SLC38A10: variants seen among roughly 807,000 people sequenced by gnomAD.
The protein encoded by SLC38A10 is Sodium-coupled neutral amino acid transporter 10.
SLC38A10 carries 53 observed loss-of-function variants against 81.0 expected under a neutral mutation model. The observed-to-expected ratio is 0.65, with a 90% CI of 0.53 to 0.82. The LOEUF (loss-of-function observed/expected upper bound fraction) is 0.82. Ranked by LOEUF, SLC38A10 falls within the 40% of genes least tolerant of loss-of-function variation. The pLI, the probability that SLC38A10 is intolerant of heterozygous loss-of-function variation, is 0.00. For synonymous variants in SLC38A10, 665 were observed against 655.3 expected (o/e 1.01, Z -0.23); for missense variants, 1,471 against 1,545.0 (o/e 0.95, Z 0.80).
chr17:81,289,522 C>T lies in SLC38A10; in HGVS notation c.217+169G>A, dbSNP rs190710566. 6.7e-4 allele frequency among the ~76,000 whole-genome samples: 102 copies of T among 151,980 alleles called. 1 individual carries two copies. Among genetic ancestry groups the T allele is most frequent in the Non-Finnish European group, 1.1e-3 (76 of 67,988 alleles). On this transcript the variant is annotated intron_variant, in intron 2 of 15. Coordinates refer to ENST00000374759, the MANE Select transcript of SLC38A10 (RefSeq NM_001037984.3). The surrounding 1 kb of genome is among the most constrained non-coding windows in gnomAD (Gnocchi z 5.9). ...CAAATAGTAGCTGGGACGACAGGCA[C>T]GTGCAACCACACCCGGCTCATTTTT...
In SLC38A10 at chr17:81,276,539, G is replaced by A. The variant is rs1443650972; in HGVS notation, c.730-388C>T. Among the ~76,000 whole-genome samples the A allele has an allele frequency of 3.3e-5, 5 of 151,928 alleles. No individual in the cohort carries two copies. The highest frequency in any genetic ancestry group is 4.8e-5 in the African/African-American group (2 of 41,344). ...CCCGAGTAGCCGGGTTTACATGCAC[G>A]TGCCACCATGCCCAGCTAATTTTTG... On this transcript the variant is annotated intron_variant, in intron 7 of 15. Coordinates refer to ENST00000374759, the MANE Select transcript of SLC38A10 (RefSeq NM_001037984.3). This position sits in a 1 kb window ranked among gnomAD's most constrained non-coding sequence, Gnocchi z 4.7.
chr17:81,245,232 C>T lies in SLC38A10; in HGVS notation c.*324G>A. 3.4e-6 allele frequency: 1 copy of T among 296,476 alleles called. No individual in the cohort carries two copies. Among genetic ancestry groups the T allele is most frequent in the Non-Finnish European group, 6.3e-6 (1 of 158,604 alleles). The allele number at this position is 296,476 out of a possible 1,614,324, so 18.4% of individuals were successfully genotyped here. ...GGAGCAGGAGGCCTGACCACAGACG[C>T]AGCAGCTCCCCAGCCTGAGCCTGGG... On this transcript the variant is annotated 3_prime_UTR_variant, in exon 16 of 16. Transcript: ENST00000374759.
chr17:81,273,998 G>C (rs7216728), intron 8 of SLC38A10, among the ~76,000 whole-genome samples: 1 of 152,232 alleles, frequency 6.6e-6, no homozygotes, highest in Admixed American at 6.5e-5. Context: ...TTGGGATGAA[G>C]GGGGTTGCGT....
chr17:81,280,856 GC>G, intron 5 of SLC38A10, 123 bp from the exon 6 acceptor site: 1 of 1,360,154 alleles, frequency 7.4e-7, no homozygotes, highest in Non-Finnish European at 9.7e-7. Flanking sequence ...CCACATCCCA[GC>G]CCCCCACCAC....
At chr17:81,272,855 GCA>G (rs1360002243) in intron 8 of SLC38A10, among the ~76,000 whole-genome samples, 2 of 152,146 alleles carry the variant, frequency 1.3e-5, no homozygotes, top group Non-Finnish European at 2.9e-5. Context: ...CTCACCCCAG[GCA>G]CAGACCGTAC....
At chr17:81,252,753 G>C (rs1449826996) in intron 12 of SLC38A10, 70 bp from the exon 13 acceptor site, 6 of 1,514,538 alleles carry the variant, frequency 4.0e-6, no homozygotes, top group Non-Finnish European at 5.3e-6. Context: ...AATTAGAACT[G>C]GGTTCTTCCC....
chr17:81,293,028 T>C (rs1463418968), intron 1 of SLC38A10, among the ~76,000 whole-genome samples: 1 of 152,208 alleles, frequency 6.6e-6, no homozygotes, highest in Non-Finnish European at 1.5e-5. Context: ...GCCGGCGTGG[T>C]GGCACATGCC....
intron 1 of SLC38A10, among the ~76,000 whole-genome samples, chr17:81,293,767 A>G (rs561181749): frequency 6.6e-6 from 1 of 152,216 alleles, no homozygotes; most frequent in Non-Finnish European, 1.5e-5. Context: ...CTAAAATTAA[A>G]CTACTGGTGC....
rs531315207 is a variant in SLC38A10, at chr17:81,276,449, G to A, written c.730-298C>T. ...AGACCAGGCTGGAGTGCAGTGGTGC[G>A]ATCTTGGCCTCGGCGTACCTCTGCC... On this transcript the variant is annotated intron_variant, in intron 7 of 15. Coordinates refer to ENST00000374759, the MANE Select transcript of SLC38A10 (RefSeq NM_001037984.3). The surrounding 1 kb of genome is among the most constrained non-coding windows in gnomAD (Gnocchi z 4.7). 6.7e-5 allele frequency among the ~76,000 whole-genome samples: 10 copies of A among 150,166 alleles called. No homozygotes were observed. The highest frequency in any genetic ancestry group is 2.5e-4 in the African/African-American group (10 of 40,716).
chr17:81,267,768 A>G (rs2063081983), intron 10 of SLC38A10, among the ~76,000 whole-genome samples: 1 of 152,158 alleles, frequency 6.6e-6, no homozygotes, highest in Admixed American at 6.6e-5. Context: ...GACACTGGTA[A>G]ACAGCTCTGT....
At position 81,245,519 on chromosome 17, in the gene SLC38A10, G is replaced by A. The variant is rs777281035; in HGVS notation, c.*37C>T. ...AGACAGACCTGCTGCTGGCCGAGGA[G>A]GGCAGTGGCTGGCGTGGCCCTCATG... is the stretch of plus-strand genomic sequence containing the variant. On this transcript the variant is annotated 3_prime_UTR_variant, in exon 16 of 16. Coordinates refer to ENST00000374759, the MANE Select transcript of SLC38A10 (RefSeq NM_001037984.3). 10 of 1,553,136 alleles carry A rather than the reference G, an allele frequency of 6.4e-6. No individual in the cohort carries two copies. The African/African-American group carries it at 6.8e-5, about 11-fold the overall frequency.
Position 81,246,147 on chromosome 17 carries a change from G to C in SLC38A10, c.2769C>G (p.Asp923Glu). ...TCACTTGCTTGGGCTTCATGCGAGG[G>C]TCCCCCGTCTCTGCTCCTGGCCCTG... ...LVAGPGAETG[D>E]PRMKPKQVSR... is the part of the protein sequence containing the mutation. Residue 923 changes from aspartate to glutamate, a missense_variant, in exon 16 of 16, where the codon GAC (aspartate) becomes GAG (glutamate). Around this residue, in one of 2 missense-constraint regions of SLC38A10, gnomAD observed 751 missense variants for 717.4 expected, o/e 1.05. Coordinates refer to ENST00000374759, the MANE Select transcript of SLC38A10 (RefSeq NM_001037984.3). 6.2e-7 allele frequency: 1 copy of C among 1,610,946 alleles called. No individual in the cohort carries two copies. Among genetic ancestry groups the C allele is most frequent in the Non-Finnish European group, 8.5e-7 (1 of 1,179,852 alleles).
intron 11 of SLC38A10, among the ~76,000 whole-genome samples, chr17:81,255,884 A>G (rs1481048230): frequency 1.3e-5 from 2 of 152,206 alleles, no homozygotes; most frequent in African/African-American, 2.4e-5. Flanking sequence ...TCAGAGGCTG[A>G]GGTGGGAGAA....
chr17:81,284,817 G>A lies in SLC38A10; in HGVS notation c.263+33C>T, dbSNP rs116440524. The A allele has an allele frequency of 3.3e-4, 499 of 1,502,350 alleles. 1 individual carries two copies. In the African/African-American group the frequency reaches 6.5e-3, roughly 20 times the overall value. The allele number at this position is 1,502,350 out of a possible 1,614,324, so 93.1% of individuals were successfully genotyped here. A position where few individuals can be genotyped will look rare whatever the true frequency, so the allele number is the denominator to read the frequency against. On this transcript the variant is annotated intron_variant, in intron 3 of 15. Transcript: ENST00000374759. ...GTCCCCAGTGTCTGGGTGCGGGGGT[G>A]GGGGGCAAGCGCAGCGGCAGGGCGG...
Position 81,247,038 on chromosome 17 carries a change from C to G in SLC38A10, c.2089G>C (p.Asp697His), listed in dbSNP as rs1280033536. 1 of 1,593,384 alleles carries G rather than the reference C, an allele frequency of 6.3e-7. No individual in the cohort carries two copies. The highest frequency in any genetic ancestry group is 1.1e-5 in the South Asian group (1 of 90,466). The change falls in exon 15 of 16, where the codon GAC (aspartate) becomes CAC (histidine). Residue 697 changes from aspartate (D) to histidine (H), a missense_variant. This residue lies in a region of SLC38A10 where 751 missense variants were observed against 717.4 expected (regional missense o/e 1.05). Coordinates refer to ENST00000374759, the MANE Select transcript of SLC38A10 (RefSeq NM_001037984.3). Reference protein sequence around the residue: ...LEEAGRAEMLDHAVLLQVIKE... With the variant: ...LEEAGRAEMLHHAVLLQVIKE... The stretch of plus-strand genomic sequence containing the variant: ...ATCACCTGAAGCAGGACGGCGTGGT[C>G]CAGCATCTCCGCCCTGCCAGCTTCT...
Position 81,246,670 on chromosome 17 carries a change from T to C in SLC38A10, c.2246A>G (p.Glu749Gly). The change falls in exon 16 of 16, where the codon GAG becomes GGG. Residue 749 changes from glutamate to glycine, a missense_variant. This residue lies in a region of SLC38A10 where 751 missense variants were observed against 717.4 expected (regional missense o/e 1.05). Coordinates refer to ENST00000374759, the MANE Select transcript of SLC38A10 (RefSeq NM_001037984.3). ...EDEEDKPRQV[E>G]VHQEPGAAVP... ...CGCTGCCCCGGGCTCTTGATGCACC[T>C]CCACTGCAAATGAAGTCGGTCATCA... is the stretch of plus-strand genomic sequence containing the variant. 6.6e-7 allele frequency: 1 copy of C among 1,504,828 alleles called. No homozygotes were observed. Among genetic ancestry groups the C allele is most frequent in the Non-Finnish European group, 8.9e-7 (1 of 1,127,982 alleles). 93.2% of individuals were successfully genotyped at this position (1,504,828 alleles called of 1,614,324 possible). A position where few individuals can be genotyped will look rare whatever the true frequency, so the allele number is the denominator to read the frequency against.
intron 11 of SLC38A10, among the ~76,000 whole-genome samples, chr17:81,255,353 T>A (rs1216582531): frequency 1.3e-5 from 2 of 152,260 alleles, no homozygotes; most frequent in Non-Finnish European, 2.9e-5. Context: ...AGGGACAGTT[T>A]GCCGGCAGTG....
chr17:81,294,530 G>T (rs1034856467), intron 1 of SLC38A10, among the ~76,000 whole-genome samples: 7 of 152,200 alleles, frequency 4.6e-5, no homozygotes, highest in Non-Finnish European at 1.0e-4. Flanking sequence ...GTTCCCTTCC[G>T]ATTCTGGAGG....
Position 81,250,942 on chromosome 17 carries a change from G to A in SLC38A10, c.2065+551C>T, listed in dbSNP as rs2062904427. ...GTAAGGAGCTTTCCTGGAGGGACAG[G>A]TGACAGATCCCTGTAGATGAACACA... On this transcript the variant is annotated intron_variant, in intron 14 of 15. Coordinates refer to ENST00000374759, the MANE Select transcript of SLC38A10 (RefSeq NM_001037984.3). 3.2e-6 allele frequency: 4 copies of A among 1,255,648 alleles called. No homozygotes were observed. In the South Asian group the frequency reaches 8.3e-5, roughly 26 times the overall value. 77.8% of individuals were successfully genotyped at this position (1,255,648 alleles called of 1,614,324 possible).
Sources: gnomAD v4.1 joint callset for allele counts (sites outside exome capture counted in the v4.1 genomes callset) on GRCh38, gnomAD v4.1.1 for gene constraint, gnomAD v4.1.1 regional missense constraint, Gnocchi (gnomAD v3.1) non-coding constraint, MANE v1.5 for transcripts, NCBI Gene and HGNC (gene_info 2026-07-23, HGNC 2026-07-21) for gene names.